HYDIN: variants seen among roughly 807,000 people sequenced by gnomAD.
HYDIN encodes the protein axonemal central pair apparatus protein HYDIN.
HYDIN carries 132 observed loss-of-function variants against 403.9 expected under a neutral mutation model. That is an observed-to-expected ratio of 0.33 (90% CI 0.28 to 0.38). HYDIN has a LOEUF of 0.38. Among genes scored for constraint, HYDIN ranks in the 10% least tolerant of loss-of-function variants. HYDIN has a pLI of 1.00. For missense variants in HYDIN, 2,827 were observed against 5,009.5 expected (o/e 0.56, Z 13.15); for synonymous variants, 1,202 against 1,891.7 (o/e 0.64, Z 9.46).
At chr16:71,225,089 A>G (rs1195673796) in intron 1 of HYDIN, among the ~76,000 whole-genome samples, 1 of 152,192 alleles carries the variant, frequency 6.6e-6, no homozygotes, top group Admixed American at 6.5e-5. Context: ...CAGGAACCTA[A>G]AAAGCGAGGG....
At chr16:71,177,556 T>C (rs2086721138) in intron 4 of HYDIN, among the ~76,000 whole-genome samples, 1 of 152,202 alleles carries the variant, frequency 6.6e-6, no homozygotes. Context: ...ACCCCACTGA[T>C]CTCTGCAAGG....
intron 1 of HYDIN, among the ~76,000 whole-genome samples, chr16:71,201,250 T>G (rs2087992350): frequency 6.6e-6 from 1 of 152,250 alleles, no homozygotes; most frequent in Non-Finnish European, 1.5e-5. Context: ...ATTGCTGTTA[T>G]ACATGCCTTG....
At chr16:70,868,018 AC>A (rs2039862469) in intron 66 of HYDIN, among the ~76,000 whole-genome samples, 1 of 152,102 alleles carries the variant, frequency 6.6e-6, no homozygotes, top group African/African-American at 2.4e-5. Context: ...AAAAACAAAA[AC>A]CAAGGGAGTA....
At chr16:70,858,083 C>A (rs1216718684) in intron 71 of HYDIN, among the ~76,000 whole-genome samples, 2 of 152,006 alleles carry the variant, frequency 1.3e-5, no homozygotes, top group Non-Finnish European at 2.9e-5. Flanking sequence ...AGGGAGTCTC[C>A]CCCATCCACA....
chr16:71,151,732 A>G (rs2144576036), intron 7 of HYDIN, among the ~76,000 whole-genome samples: 1 of 150,844 alleles, frequency 6.6e-6, no homozygotes, highest in African/African-American at 2.4e-5. Flanking sequence ...GAGAAAAAGC[A>G]TAAAATAATA....
intron 83 of HYDIN, among the ~76,000 whole-genome samples, chr16:70,820,642 CA>C (rs1238269543): frequency 6.7e-6 from 1 of 148,418 alleles, no homozygotes; most frequent in Non-Finnish European, 1.5e-5. Context: ...GCTTCTTAGT[CA>C]TATTTTAAAA....
intron 40 of HYDIN, among the ~76,000 whole-genome samples, chr16:70,954,964 A>T (rs951211666): frequency 1.3e-5 from 2 of 152,076 alleles, no homozygotes; most frequent in African/African-American, 4.8e-5. Flanking sequence ...TTGCTTCTTC[A>T]AACCCATTTC....
intron 1 of HYDIN, among the ~76,000 whole-genome samples, chr16:71,209,296 C>T (rs1231908646): frequency 6.6e-6 from 1 of 151,362 alleles, no homozygotes; most frequent in African/African-American, 2.4e-5. Flanking sequence ...ACAAAAACCA[C>T]ATGATTATCT....
At chr16:70,989,360 C>T (rs1417075321) in intron 25 of HYDIN, among the ~76,000 whole-genome samples, 1 of 151,944 alleles carries the variant, frequency 6.6e-6, no homozygotes, top group Admixed American at 6.6e-5. Context: ...TTCTATGACA[C>T]GCATCTTTGA....
At chr16:71,185,132 T>C in intron 2 of HYDIN, 142 bp from the exon 3 acceptor site, 1 of 428,928 alleles carries the variant, frequency 2.3e-6, no homozygotes, top group Non-Finnish European at 3.9e-6. Context: ...TATAAAATAT[T>C]TAAAATAAGT....
Position 70,840,142 on chromosome 16 carries a change from G to A in HYDIN, c.12965C>T (p.Thr4322Ile), listed in dbSNP as rs2037717751. The change falls in exon 76 of 86, where the codon ACC becomes ATC. Residue 4322 changes from threonine to isoleucine, a missense_variant. Transcript: ENST00000393567. ...HFSFTSYNFG[T>I]CFIYQAGMPP... The stretch of plus-strand genomic sequence containing the variant: ...CATCCCAGCTTGATAGATAAAGCAG[G>A]TCCCAAAGTTGTAGCTGGTGAAGGA... 1 of 879,146 alleles carries A rather than the reference G, an allele frequency of 1.1e-6. No homozygotes were observed. The highest frequency in any genetic ancestry group is 1.7e-6 in the Non-Finnish European group (1 of 577,502). 54.5% of individuals were successfully genotyped at this position (879,146 alleles called of 1,614,324 possible).
rs2037713207 is a variant in HYDIN at position 70,840,071 on chromosome 16, G to A, written c.13036C>T (p.Pro4346Ser). 2 of 705,664 alleles carry A rather than the reference G, an allele frequency of 2.8e-6. No individual in the cohort carries two copies. Among genetic ancestry groups the A allele is most frequent in the South Asian group, 3.6e-5 (2 of 55,570 alleles). 43.7% of individuals were successfully genotyped at this position (705,664 alleles called of 1,614,324 possible). A position where few individuals can be genotyped will look rare whatever the true frequency, so the allele number is the denominator to read the frequency against. The change falls in exon 76 of 86, where the codon CCT (proline) becomes TCT (serine). Residue 4346 changes from proline (P) to serine (S), a missense_variant. Transcript: ENST00000393567. Reference protein sequence around the residue: ...TLVITNKEETPMSIDCLYTNT... With the variant: ...TLVITNKEETSMSIDCLYTNT... ...CTCTGGAAGCCTGCTTACCTCATAG[G>A]TGTTTCTTCCTTGTTGGTAATTACC...
chr16:71,044,587 A>T (rs2081393159), intron 18 of HYDIN, among the ~76,000 whole-genome samples: 1 of 143,370 alleles, frequency 7.0e-6, no homozygotes. Context: ...GTTTCTTCAG[A>T]CCTATCTTTG....
intron 84 of HYDIN, among the ~76,000 whole-genome samples, chr16:70,813,874 C>T (rs1345258111): frequency 6.6e-6 from 1 of 151,868 alleles, no homozygotes; most frequent in African/African-American, 2.4e-5. Context: ...TCAAACCTTA[C>T]TCTAAGTAGG....
chr16:71,188,617 T>C (rs954472868), intron 1 of HYDIN, among the ~76,000 whole-genome samples: 11 of 151,630 alleles, frequency 7.3e-5, no homozygotes, highest in African/African-American at 2.4e-4. Flanking sequence ...AAACCATCCA[T>C]ATAAAGCAGA....
intron 12 of HYDIN, among the ~76,000 whole-genome samples, chr16:71,084,492 T>C (rs1184802888): frequency 6.6e-6 from 1 of 151,376 alleles, no homozygotes; most frequent in Non-Finnish European, 1.5e-5. Context: ...GTTCAAGTGA[T>C]TCTCCTGCCT....
At chr16:70,925,244 G>C (rs1438106579) in intron 45 of HYDIN, among the ~76,000 whole-genome samples, 1 of 152,216 alleles carries the variant, frequency 6.6e-6, no homozygotes, top group African/African-American at 2.4e-5. Context: ...CAGCAGTTTG[G>C]GAGGCTGAGA....
At chr16:71,225,861 C>T (rs2041011623) in intron 1 of HYDIN, among the ~76,000 whole-genome samples, 1 of 152,034 alleles carries the variant, frequency 6.6e-6, no homozygotes, top group African/African-American at 2.4e-5. Context: ...GCTAACAAAA[C>T]ATGTGCAAAA....
intron 18 of HYDIN, among the ~76,000 whole-genome samples, chr16:71,056,572 G>A (rs2081903642): frequency 6.6e-6 from 1 of 152,026 alleles, no homozygotes; most frequent in Non-Finnish European, 1.5e-5. Context: ...TAATCACAGT[G>A]GTGCTGTGCT....
Sources: gnomAD v4.1 joint callset for allele counts (sites outside exome capture counted in the v4.1 genomes callset) on GRCh38, gnomAD v4.1.1 for gene constraint, MANE v1.5 for transcripts, NCBI Gene and HGNC (gene_info 2026-07-23, HGNC 2026-07-21) for gene names.